Variants in DNER observed in about 807,000 individuals in gnomAD.
The protein encoded by DNER is delta and Notch-like epidermal growth factor-related receptor.
DNER carries 33 observed loss-of-function variants against 78.2 expected under a neutral mutation model. The ratio of observed to expected loss-of-function variants is 0.42; its 90% CI spans 0.32 to 0.56. The LOEUF (loss-of-function observed/expected upper bound fraction) is 0.56, where lower values mean the gene tolerates loss of function less well. DNER is among the 20% of genes least tolerant of loss of function. The pLI is 0.11. For synonymous variants in DNER, 417 were observed against 384.8 expected (o/e 1.08, Z -0.98); for missense variants, 918 against 975.3 (o/e 0.94, Z 0.78).
At chr2:229,391,288 TAA>T (rs748817872) in intron 10 of DNER, among the ~76,000 whole-genome samples, 13 of 152,030 alleles carry the variant, frequency 8.6e-5, no homozygotes, top group Non-Finnish European at 1.6e-4. Flanking sequence ...TATTTTATTA[TAA>T]GAGTTCTTAG....
intron 4 of DNER, chr2:229,580,170 G>A (rs1697368236): frequency 6.6e-6 from 1 of 152,152 alleles, no homozygotes; most frequent in Admixed American, 6.5e-5. Flanking sequence ...TGGGCTGACT[G>A]GGAAACCTTC....
intron 8 of DNER, among the ~76,000 whole-genome samples, chr2:229,435,848 G>A (rs1473659858): frequency 6.6e-6 from 1 of 152,056 alleles, no homozygotes; most frequent in Non-Finnish European, 1.5e-5. Context: ...AAAACCAAGT[G>A]GGATTGTAAT....
At chr2:229,570,328 G>A (rs1697192403) in intron 4 of DNER, among the ~76,000 whole-genome samples, 1 of 152,118 alleles carries the variant, frequency 6.6e-6, no homozygotes, top group African/African-American at 2.4e-5. Context: ...ATAAATAGGT[G>A]TTATAGTCTA....
intron 4 of DNER, among the ~76,000 whole-genome samples, chr2:229,584,079 T>C (rs1697451826): frequency 6.6e-6 from 1 of 152,246 alleles, no homozygotes; most frequent in Admixed American, 6.5e-5. Flanking sequence ...ATCTTCATTA[T>C]GATATTTGCA....
intron 5 of DNER, among the ~76,000 whole-genome samples, chr2:229,527,146 C>T (rs1004470675): frequency 3.3e-5 from 5 of 152,124 alleles, no homozygotes; most frequent in Middle Eastern, 3.2e-3. Context: ...TTCACGTCAT[C>T]GCGTGAGGGA....
chr2:229,367,391 A>G (rs1255764090), intron 11 of DNER, among the ~76,000 whole-genome samples: 3 of 152,020 alleles, frequency 2.0e-5, no homozygotes, highest in African/African-American at 7.2e-5. Context: ...ACTTGAGGTC[A>G]GGAGTTTGAG....
chr2:229,676,936 A>C (rs766069563), intron 1 of DNER, among the ~76,000 whole-genome samples: 24 of 152,038 alleles, frequency 1.6e-4, no homozygotes, highest in Non-Finnish European at 1.5e-5. Context: ...AACGAGTCTC[A>C]CTTCCCTGTT....
intron 9 of DNER, 47 bp downstream of exon 9, chr2:229,418,061 C>T (rs376583871): frequency 6.3e-5 from 102 of 1,613,512 alleles, no homozygotes; most frequent in South Asian, 5.1e-4. Context: ...AAATACATGA[C>T]GTCATTTAGA....
chr2:229,520,257 A>T lies in DNER; in HGVS notation c.994-7321T>A, dbSNP rs142889249. On this transcript the variant is annotated intron_variant, in intron 5 of 12. Coordinates refer to ENST00000341772, the MANE Select transcript of DNER (RefSeq NM_139072.4). Reference sequence around the variant, plus strand: ...TCTCTGATATCCTGGGTTTGGCTGTAAGAGCATCAGAGTCATTCTTTGAGC... The same window carrying T: ...TCTCTGATATCCTGGGTTTGGCTGTTAGAGCATCAGAGTCATTCTTTGAGC... 2.7e-3 allele frequency among the ~76,000 whole-genome samples: 416 copies of T among 152,330 alleles called. 2 individuals are homozygous for T. Among genetic ancestry groups the T allele is most frequent in the African/African-American group, 9.4e-3 (391 of 41,580 alleles).
In DNER at chr2:229,582,702, T is replaced by C. The variant is rs569924250; in HGVS notation, c.847+3156A>G. ...CTGCCCAGGCTAGAGTGCAGTGGCG[T>C]GATCTTGGCTCACTGCAAGCTCCGC... is the stretch of plus-strand genomic sequence containing the variant. On this transcript the variant is annotated intron_variant, in intron 4 of 12. Transcript: ENST00000341772. Among the ~76,000 whole-genome samples, 12 of 152,232 alleles carry C rather than the reference T, an allele frequency of 7.9e-5. No homozygotes were observed. The East Asian group carries it at 2.3e-3, about 29-fold the overall frequency.
intron 1 of DNER, among the ~76,000 whole-genome samples, chr2:229,676,961 C>T (rs1699309944): frequency 6.6e-6 from 1 of 152,096 alleles, no homozygotes; most frequent in African/African-American, 2.4e-5. Context: ...AACATGATTT[C>T]CTACAAAACC....
intron 7 of DNER, among the ~76,000 whole-genome samples, chr2:229,469,233 C>T (rs1332348000): frequency 6.6e-6 from 1 of 152,144 alleles, no homozygotes; most frequent in African/African-American, 2.4e-5. Context: ...GGGTGTACAT[C>T]CAAATAGCTA....
Position 229,597,679 on chromosome 2 carries a change from G to A in DNER, c.277-5791C>T, listed in dbSNP as rs769337048. ...TTGTAATACCAGCTATAATAAAGAGGAAAGAGAAAGCCCATGGGTTAATGG... is the reference window on the plus strand; with the variant it reads ...TTGTAATACCAGCTATAATAAAGAGAAAAGAGAAAGCCCATGGGTTAATGG... On this transcript the variant is annotated intron_variant, in intron 1 of 12. Coordinates refer to ENST00000341772, the MANE Select transcript of DNER (RefSeq NM_139072.4). Among the ~76,000 whole-genome samples, 7 of 152,178 alleles carry A rather than the reference G, an allele frequency of 4.6e-5. 1 individual carries two copies. In the South Asian group the frequency reaches 1.2e-3, roughly 27 times the overall value.
chr2:229,587,121 T>C (rs758841880), intron 3 of DNER: 11 of 364,632 alleles, frequency 3.0e-5, no homozygotes, highest in Non-Finnish European at 4.2e-5. Flanking sequence ...ACCAGAAAAT[T>C]TGGAAAGGTT....
intron 1 of DNER, among the ~76,000 whole-genome samples, chr2:229,602,501 A>G (rs1338333823): frequency 6.6e-6 from 1 of 152,318 alleles, no homozygotes; most frequent in South Asian, 2.1e-4. Flanking sequence ...TGAGGCAAAA[A>G]TAAAAAGAAA....
At chr2:229,364,887 G>C (rs1175233699) in intron 12 of DNER, among the ~76,000 whole-genome samples, 1 of 109,908 alleles carries the variant, frequency 9.1e-6, no homozygotes, top group Admixed American at 1.4e-4. Flanking sequence ...GTCTTGCTCT[G>C]TCACCCAGGC....
chr2:229,600,371 G>A (rs767058027), intron 1 of DNER, among the ~76,000 whole-genome samples: 2 of 152,290 alleles, frequency 1.3e-5, no homozygotes, highest in Non-Finnish European at 2.9e-5. Flanking sequence ...GATCTAGACA[G>A]TACAGACTTT....
rs563193216 is a variant in DNER at position 229,628,212 on chromosome 2, G to A, written c.277-36324C>T. On this transcript the variant is annotated intron_variant, in intron 1 of 12. Transcript: ENST00000341772. ...TGAAGCATGAGACACCGAGGTGAGCGGCAGAGGAGGGGAAATAGATCAAAC... is the reference window on the plus strand; with the variant it reads ...TGAAGCATGAGACACCGAGGTGAGCAGCAGAGGAGGGGAAATAGATCAAAC... 7.2e-5 allele frequency among the ~76,000 whole-genome samples: 11 copies of A among 152,274 alleles called. No homozygotes were observed. In the East Asian group the frequency reaches 7.7e-4, roughly 11 times the overall value.
At chr2:229,570,363 T>C (rs546680592) in intron 4 of DNER, among the ~76,000 whole-genome samples, 1 of 152,326 alleles carries the variant, frequency 6.6e-6, no homozygotes, top group Non-Finnish European at 1.5e-5. Context: ...CCAGGTGTGG[T>C]GGCTTACGCC....
Sources: gnomAD v4.1 joint callset for allele counts (sites outside exome capture counted in the v4.1 genomes callset) on GRCh38, gnomAD v4.1.1 for gene constraint, MANE v1.5 for transcripts, NCBI Gene and HGNC (gene_info 2026-07-23, HGNC 2026-07-21) for gene names.